The following ARID5B variants were observed in gnomAD, a reference collection of about 807,000 sequenced individuals.
ARID5B encodes the protein AT-rich interaction domain 5B.
ARID5B carries 13 observed loss-of-function variants against 97.2 expected under a neutral mutation model. The ratio of observed to expected loss-of-function variants is 0.13; its 90% CI spans 0.09 to 0.21. The LOEUF is 0.21. Among genes scored for constraint, ARID5B ranks in the 10% least tolerant of loss-of-function variants. The pLI, the probability that ARID5B is intolerant of heterozygous loss-of-function variation, is 1.00. For missense variants in ARID5B, 1,210 were observed against 1,465.3 expected, an observed-to-expected ratio of 0.83 and a Z score of 2.84; for synonymous variants, 556 against 570.3, an observed-to-expected ratio of 0.97 and a Z score of 0.36.
At chr10:61,961,491 C>T (rs939677837) in intron 3 of ARID5B, among the ~76,000 whole-genome samples, 4 of 152,122 alleles carry the variant, frequency 2.6e-5, no homozygotes, top group African/African-American at 7.2e-5. Context: ...GAACCGGTTG[C>T]GCTGAATTAA....
chr10:62,001,669 G>C (rs1358309200), intron 4 of ARID5B, among the ~76,000 whole-genome samples: 1 of 152,128 alleles, frequency 6.6e-6, no homozygotes, highest in African/African-American at 2.4e-5. Context: ...AGAAGGAAGG[G>C]AAGACAGAGA....
In ARID5B at chr10:62,000,485, G is replaced by C. The variant is rs945566461; in HGVS notation, c.733+164G>C. The stretch of plus-strand genomic sequence containing the variant: ...AATTATTGCGGCATAAGGCGTCATT[G>C]CCTCCTTCGTAGCCTCTGTTTACTA... On this transcript the variant is annotated intron_variant, in intron 4 of 9. Coordinates refer to ENST00000279873, the MANE Select transcript of ARID5B (RefSeq NM_032199.3). This position sits in a 1 kb window ranked among gnomAD's most constrained non-coding sequence, Gnocchi z 4.4. 7.8e-6 allele frequency among the ~76,000 whole-genome samples: 1 copy of C among 127,916 alleles called. No individual in the cohort carries two copies. The highest frequency in any genetic ancestry group is 8.9e-5 in the Admixed American group (1 of 11,266). 83.9% of individuals were successfully genotyped at this position (127,916 alleles called of 152,430 possible). A position where few individuals can be genotyped will look rare whatever the true frequency, so the allele number is the denominator to read the frequency against.
At position 61,917,507 on chromosome 10, in the gene ARID5B, TTAG is replaced by T. The variant is rs1355797903; in HGVS notation, c.276+15098_276+15100del. Among the ~76,000 whole-genome samples the T allele has an allele frequency of 2.0e-5, 3 of 152,130 alleles. No individual in the cohort carries two copies. In the East Asian group the frequency reaches 5.8e-4, roughly 29 times the overall value. On this transcript the variant is annotated intron_variant, in intron 2 of 9. Coordinates refer to ENST00000279873, the MANE Select transcript of ARID5B (RefSeq NM_032199.3). Reference sequence around the variant, plus strand: ...CCACGCCCGGCTAATTTTTGTATTGTTAGTAGAGATGAGGTTTTGCCATGTTGG... The same window carrying T: ...CCACGCCCGGCTAATTTTTGTATTGTTAGAGATGAGGTTTTGCCATGTTGG...
At chr10:62,035,099 C>T (rs1839545260) in intron 4 of ARID5B, among the ~76,000 whole-genome samples, 1 of 152,166 alleles carries the variant, frequency 6.6e-6, no homozygotes, top group African/African-American at 2.4e-5. Flanking sequence ...ACACAGTGGG[C>T]ATTACAATGT....
intron 3 of ARID5B, among the ~76,000 whole-genome samples, chr10:61,957,994 G>A (rs1838415611): frequency 6.6e-6 from 1 of 152,190 alleles, no homozygotes; most frequent in Admixed American, 6.5e-5. Context: ...TTCATTTTGA[G>A]GTTGTCCACC....
intron 3 of ARID5B, among the ~76,000 whole-genome samples, chr10:61,978,644 T>A (rs1379705764): frequency 1.3e-5 from 2 of 152,242 alleles, no homozygotes; most frequent in African/African-American, 2.4e-5. Flanking sequence ...AGTTCACTCA[T>A]GATTTGGCTC....
chr10:61,943,619 G>T (rs925959210), intron 3 of ARID5B, among the ~76,000 whole-genome samples: 2 of 151,988 alleles, frequency 1.3e-5, no homozygotes, highest in African/African-American at 4.8e-5. Flanking sequence ...AATTAGATTG[G>T]TTCTTAGAGA....
rs367889207 is a variant in ARID5B at position 62,055,933 on chromosome 10, G to C, written c.847-1184G>C. On this transcript the variant is annotated intron_variant, in intron 5 of 9. Coordinates refer to ENST00000279873, the MANE Select transcript of ARID5B (RefSeq NM_032199.3). ...TGTAATGGACAGCATTGTAGAATATGTGGGACATTTTTATTCGTAACATTT... is the reference window on the plus strand; with the variant it reads ...TGTAATGGACAGCATTGTAGAATATCTGGGACATTTTTATTCGTAACATTT... 3.0e-4 allele frequency among the ~76,000 whole-genome samples: 46 copies of C among 152,302 alleles called. 1 individual carries two copies. The South Asian group carries it at 9.5e-3, about 32-fold the overall frequency.
intron 2 of ARID5B, among the ~76,000 whole-genome samples, chr10:61,927,367 A>T (rs752154742): frequency 9.9e-5 from 15 of 152,208 alleles, no homozygotes; most frequent in Non-Finnish European, 2.1e-4. Flanking sequence ...CTAAAAAATG[A>T]GGAAAATAGG....
chr10:62,019,745 T>C (rs959172016), intron 4 of ARID5B, among the ~76,000 whole-genome samples: 2 of 152,196 alleles, frequency 1.3e-5, no homozygotes, highest in Non-Finnish European at 2.9e-5. Flanking sequence ...TCCCAACCAT[T>C]TAGGAGCTTG....
At chr10:62,085,552 G>A in intron 8 of ARID5B, 150 bp from the exon 9 acceptor site, 2 of 708,268 alleles carry the variant, frequency 2.8e-6, no homozygotes, top group Non-Finnish European at 4.8e-6. Context: ...ACACTAAAGT[G>A]TAGAGTAAGT....
At chr10:61,975,698 T>A (rs1838689823) in intron 3 of ARID5B, among the ~76,000 whole-genome samples, 1 of 152,250 alleles carries the variant, frequency 6.6e-6, no homozygotes, top group Non-Finnish European at 1.5e-5. Context: ...TTATTAGAAC[T>A]ATTGTCATTG....
intron 4 of ARID5B, among the ~76,000 whole-genome samples, chr10:62,017,203 A>G (rs1480868491): frequency 3.3e-5 from 5 of 152,212 alleles, no homozygotes; most frequent in African/African-American, 9.6e-5. Flanking sequence ...AAAATAAGCC[A>G]TGACTTTGGG....
In ARID5B at chr10:62,093,193, T is replaced by C. The variant is rs549665609; in HGVS notation, c.*163T>C. Reference sequence around the variant, plus strand: ...GAGGGGAGGTGAACATGCCTGATTTTTGTGGGACAACTCTAGCCCACAAAC... The same window carrying C: ...GAGGGGAGGTGAACATGCCTGATTTCTGTGGGACAACTCTAGCCCACAAAC... On this transcript the variant is annotated 3_prime_UTR_variant, in exon 10 of 10. Transcript: ENST00000279873. 30 of 1,108,602 alleles carry C rather than the reference T, an allele frequency of 2.7e-5. No homozygotes were observed. In the Admixed American group the frequency reaches 3.6e-4, roughly 13 times the overall value. 68.7% of individuals were successfully genotyped at this position (1,108,602 alleles called of 1,614,324 possible). A position where few individuals can be genotyped will look rare whatever the true frequency, so the allele number is the denominator to read the frequency against.
intron 4 of ARID5B, among the ~76,000 whole-genome samples, chr10:62,043,296 C>T (rs1488348335): frequency 6.6e-6 from 1 of 152,182 alleles, no homozygotes; most frequent in East Asian, 1.9e-4. Context: ...AGATTTTCCC[C>T]TTGTTTCTCA....
chr10:62,059,344 C>T, intron 7 of ARID5B, 49 bp downstream of exon 7: 3 of 1,547,750 alleles, frequency 1.9e-6, no homozygotes, highest in Non-Finnish European at 2.7e-6. Context: ...TCTAACTTTT[C>T]CCCTCTCTTT....
intron 3 of ARID5B, among the ~76,000 whole-genome samples, chr10:61,981,774 C>G (rs1020779322): frequency 1.3e-5 from 2 of 152,168 alleles, no homozygotes; most frequent in African/African-American, 4.8e-5. Context: ...AATGTCTGTT[C>G]CTCAATGCAG....
intron 3 of ARID5B, among the ~76,000 whole-genome samples, chr10:61,954,440 T>A (rs1350295974): frequency 6.6e-6 from 1 of 152,182 alleles, no homozygotes; most frequent in Non-Finnish European, 1.5e-5. Flanking sequence ...GTGTGTATTG[T>A]CCTACAGACC....
chr10:61,937,885 G>T (rs909212235), intron 2 of ARID5B, among the ~76,000 whole-genome samples: 1 of 152,152 alleles, frequency 6.6e-6, no homozygotes, highest in Middle Eastern at 3.2e-3. Flanking sequence ...TGGGAGGGGG[G>T]TGTTGGCTTG....
Sources: allele counts gnomAD v4.1 joint callset (sites outside exome capture counted in the v4.1 genomes callset), GRCh38; gene constraint gnomAD v4.1.1; non-coding constraint Gnocchi (gnomAD v3.1); transcripts MANE v1.5; gene names NCBI Gene and HGNC (gene_info 2026-07-23, HGNC 2026-07-21).